The following RGS8 variants were observed in gnomAD, a reference collection of about 807,000 sequenced individuals.
RGS8 encodes the protein regulator of G-protein signaling 8.
RGS8 carries 8 observed loss-of-function variants against 21.7 expected under a neutral mutation model. The observed-to-expected ratio is 0.37, with a 90% CI of 0.22 to 0.66. RGS8 has a LOEUF of 0.66. Among genes scored for constraint, RGS8 ranks in the 30% least tolerant of loss-of-function variants. The probability of loss-of-function intolerance (pLI) is 0.59; values close to 1 mark genes in which losing one functional copy is unlikely to be tolerated. For missense variants in RGS8, 157 were observed against 217.9 expected (o/e 0.72, Z 1.76); for synonymous variants, 80 against 83.6 (o/e 0.96, Z 0.24).
chr1:182,741,826 G>T, the RGS8 span, among the ~76,000 whole-genome samples: 1 of 119,282 alleles, frequency 8.4e-6, no homozygotes, highest in African/African-American at 2.9e-5. Flanking sequence ...AGTAGGGGCG[G>T]CCGGGCAGAG....
the RGS8 span, chr1:182,734,782 T>C: frequency 6.6e-6 from 1 of 152,216 alleles, no homozygotes; most frequent in Non-Finnish European, 1.5e-5. Context: ...CTATAATCAC[T>C]TAGTGTCCAG....
At chr1:182,693,921 G>A in the RGS8 span, among the ~76,000 whole-genome samples, 1 of 152,144 alleles carries the variant, frequency 6.6e-6, no homozygotes, top group South Asian at 2.1e-4. Flanking sequence ...GCTAAACATT[G>A]AGTACACATG....
chr1:182,746,261 C>T, the RGS8 span, among the ~76,000 whole-genome samples: 2 of 152,206 alleles, frequency 1.3e-5, no homozygotes, highest in African/African-American at 4.8e-5. Flanking sequence ...TAACTAAGAA[C>T]TTTTCTAATG....
chr1:182,702,548 CT>C, the RGS8 span, among the ~76,000 whole-genome samples: 1 of 152,094 alleles, frequency 6.6e-6, no homozygotes, highest in African/African-American at 2.4e-5. Flanking sequence ...GAAATTATAA[CT>C]TTTTTAAAAA....
At chr1:182,644,163 T>C (rs893421754), downstream of RGS8, 1 of 152,244 alleles carries the variant, frequency 6.6e-6, no homozygotes, top group African/African-American at 2.4e-5. Flanking sequence ...ACATTTCTCT[T>C]TGTTTCATCA....
intron 6 of RGS8, among the ~76,000 whole-genome samples, chr1:182,647,283 C>T (rs534041164): frequency 2.0e-4 from 31 of 152,346 alleles, no homozygotes; most frequent in East Asian, 5.8e-4. Flanking sequence ...CAGTTGCTAA[C>T]GCAAGTCCCC....
downstream of RGS8, chr1:182,643,685 T>C (rs975258724): frequency 2.0e-5 from 3 of 152,232 alleles, no homozygotes; most frequent in South Asian, 2.1e-4. Flanking sequence ...TTCCAGGTGA[T>C]TCCTGTGCAT....
At chr1:182,649,336 C>A (rs1006739473) in intron 5 of RGS8, among the ~76,000 whole-genome samples, 3 of 152,096 alleles carry the variant, frequency 2.0e-5, no homozygotes, top group Non-Finnish European at 4.4e-5. Context: ...TCCTTTGCTA[C>A]TACCAAAAAA....
the RGS8 span, among the ~76,000 whole-genome samples, chr1:182,706,505 T>C: frequency 6.6e-6 from 1 of 151,630 alleles, no homozygotes; most frequent in South Asian, 2.1e-4. Flanking sequence ...TCACTTTTGC[T>C]GCCCAGGCTG....
At chr1:182,739,813 C>A in the RGS8 span, among the ~76,000 whole-genome samples, 3 of 152,122 alleles carry the variant, frequency 2.0e-5, no homozygotes, top group African/African-American at 4.8e-5. Context: ...ATCACGCTAA[C>A]AGGCAGCAAC....
At chr1:182,674,256 G>A (rs908940862), upstream of RGS8, among the ~76,000 whole-genome samples, 12 of 152,208 alleles carry the variant, frequency 7.9e-5, no homozygotes, top group Non-Finnish European at 1.5e-5. Context: ...GTCGCAAGTG[G>A]AAGCTAATCA....
the RGS8 span, among the ~76,000 whole-genome samples, chr1:182,746,467 G>A: frequency 7.4e-4 from 112 of 152,194 alleles, 1 homozygote; most frequent in African/African-American, 2.7e-3. Flanking sequence ...AGGAGTTCAA[G>A]ACCACCCTGG....
At chr1:182,682,238 T>C (rs757040741) in intron 1 of RGS8, among the ~76,000 whole-genome samples, 1 of 152,154 alleles carries the variant, frequency 6.6e-6, no homozygotes, top group Non-Finnish European at 1.5e-5. Context: ...TAATCACAAG[T>C]CACAAGTTGG....
the RGS8 span, among the ~76,000 whole-genome samples, chr1:182,751,066 T>C: frequency 2.6e-5 from 4 of 152,072 alleles, no homozygotes; most frequent in African/African-American, 9.7e-5. Flanking sequence ...GTCATGAAAA[T>C]GAAAGAACTT....
At chr1:182,734,183 A>C in the RGS8 span, among the ~76,000 whole-genome samples, 1 of 151,986 alleles carries the variant, frequency 6.6e-6, no homozygotes, top group Non-Finnish European at 1.5e-5. Flanking sequence ...AGCCTCCCAA[A>C]GTGCTGGGAT....
chr1:182,659,661 T>A (rs899499264), intron 5 of RGS8, among the ~76,000 whole-genome samples: 1 of 152,158 alleles, frequency 6.6e-6, no homozygotes, highest in Non-Finnish European at 1.5e-5. Context: ...ATTGTGCCAC[T>A]GCACTCCAGC....
At chr1:182,742,522 C>T in the RGS8 span, among the ~76,000 whole-genome samples, 65 of 152,224 alleles carry the variant, frequency 4.3e-4, no homozygotes, top group Non-Finnish European at 7.6e-4. Context: ...GGATCACTCG[C>T]GGTTAGGAGC....
At chr1:182,741,611 T>C in the RGS8 span, among the ~76,000 whole-genome samples, 42 of 106,410 alleles carry the variant, frequency 3.9e-4, no homozygotes, top group Middle Eastern at 7.0e-3. Flanking sequence ...ACGGGGCGGC[T>C]GGCTGGGCGG....
At chr1:182,682,401 G>GA (rs1381135087) in intron 1 of RGS8, among the ~76,000 whole-genome samples, 1 of 152,172 alleles carries the variant, frequency 6.6e-6, no homozygotes, top group South Asian at 2.1e-4. Flanking sequence ...AGTAAATGGG[G>GA]ATGATGATAC....
Sources: gnomAD v4.1 joint callset for allele counts (sites outside exome capture counted in the v4.1 genomes callset) on GRCh38, gnomAD v4.1.1 for gene constraint, MANE v1.5 for transcripts, NCBI Gene and HGNC (gene_info 2026-07-23, HGNC 2026-07-21) for gene names.